The following SPINT3 variants were observed in gnomAD, a reference collection of about 807,000 sequenced individuals.
The protein encoded by SPINT3 is kunitz-type protease inhibitor 3.
In SPINT3, 4 loss-of-function variants were observed where a neutral mutation model predicts 3.3. That is an observed-to-expected ratio of 1.22 (90% confidence interval 0.60 to 2.79). The LOEUF (loss-of-function observed/expected upper bound fraction) is 2.79, where lower values mean the gene tolerates loss of function less well. Among genes scored for constraint, SPINT3 ranks in the 30% most tolerant of loss-of-function variants. SPINT3 has a pLI of 0.01. For missense variants in SPINT3, 97 were observed against 104.3 expected, an observed-to-expected ratio of 0.93 and a Z score of 0.31; for synonymous variants, 30 against 38.6, an observed-to-expected ratio of 0.78 and a Z score of 0.83.
rs1263088739 is a variant in SPINT3, at chr20:45,515,514, T to C, written c.76+19A>G. ...CTGATTCCCAGTCTATTCTTTGAGA[T>C]CCCACATTTCATACCAACCTCGTGC... On this transcript the variant is annotated intron_variant, in intron 1 of 1. Transcript: ENST00000217428. 1.1e-5 allele frequency: 17 copies of C among 1,543,460 alleles called. No homozygotes were observed. Among genetic ancestry groups the C allele is most frequent in the African/African-American group, 1.4e-5 (1 of 72,354 alleles).
At chr20:45,514,784 T>C in intron 1 of SPINT3, among the ~76,000 whole-genome samples, 1 of 152,224 alleles carries the variant, frequency 6.6e-6, no homozygotes, top group East Asian at 1.9e-4. Context: ...GAATCTATCA[T>C]TAATAGCTCC....
intron 1 of SPINT3, among the ~76,000 whole-genome samples, chr20:45,513,907 G>A (rs778583746): frequency 1.3e-5 from 2 of 152,196 alleles, no homozygotes; most frequent in Non-Finnish European, 2.9e-5. Flanking sequence ...CATCCATCTT[G>A]GTTGTTGTAA....
chr20:45,515,614 C>T lies in SPINT3; in HGVS notation c.-6G>A. ...AGAGAGGCCTGAAGCTGCATGGTGCCACTCAGCCAGTGGCTCAGCCTGGGG... is the reference window on the plus strand; with the variant it reads ...AGAGAGGCCTGAAGCTGCATGGTGCTACTCAGCCAGTGGCTCAGCCTGGGG... On this transcript the variant is annotated 5_prime_UTR_variant, in exon 1 of 2. Coordinates refer to ENST00000217428, the MANE Select transcript of SPINT3 (RefSeq NM_006652.2). The T allele has an allele frequency of 6.4e-7, 1 of 1,551,414 alleles. No individual in the cohort carries two copies. Among genetic ancestry groups the T allele is most frequent in the Non-Finnish European group, 8.7e-7 (1 of 1,146,878 alleles).
At position 45,512,658 on chromosome 20, in the gene SPINT3, A is replaced by C; in HGVS notation, c.263T>G (p.Phe88Cys). The C allele has an allele frequency of 1.4e-5, 21 of 1,551,582 alleles. No individual in the cohort carries two copies. The highest frequency in any genetic ancestry group is 1.8e-5 in the Non-Finnish European group (21 of 1,146,948). The change falls in exon 2 of 2, where the codon TTC becomes TGC. Residue 88 changes from phenylalanine (F) to cysteine (C), a missense_variant. Phe to Cys is a radical substitution (Grantham distance 205). Coordinates refer to ENST00000217428, the MANE Select transcript of SPINT3 (RefSeq NM_006652.2). ...RKEKCEKFCKFT is the reference protein window; with the variant it reads ...RKEKCEKFCKCT ...TGTGTTCTTGTTAGAAAATCAGGTG[A>C]ACTTGCAGAATTTCTCACATTTTTC... is the stretch of plus-strand genomic sequence containing the variant.
At position 45,512,726 on chromosome 20, in the gene SPINT3, A is replaced by G. The variant is rs202109697; in HGVS notation, c.195T>C (p.Ala65=). The change falls in exon 2 of 2, where the codon GCT becomes GCC. Residue 65 remains alanine (A), a synonymous_variant. Transcript: ENST00000217428. ...NFETGECELF[A]YGGCGGNSNN... ...TGCTGTTGCCTCCGCAGCCTCCGTA[A>G]GCAAATAACTCACATTCACCAGTTT... The G allele has an allele frequency of 9.7e-6, 15 of 1,551,592 alleles. No homozygotes were observed. The highest frequency in any genetic ancestry group is 1.4e-5 in the African/African-American group (1 of 73,050).
At chr20:45,513,647 A>G (rs1056707229) in intron 1 of SPINT3, among the ~76,000 whole-genome samples, 17 of 152,298 alleles carry the variant, frequency 1.1e-4, no homozygotes, top group Admixed American at 3.3e-4. Context: ...ATATTTGTTA[A>G]TAGAAAACCA....
At position 45,512,722 on chromosome 20, in the gene SPINT3, C is replaced by T. The variant is rs748269805; in HGVS notation, c.199G>A (p.Gly67Arg). 9.7e-6 allele frequency: 15 copies of T among 1,551,562 alleles called. No individual in the cohort carries two copies. The highest frequency in any genetic ancestry group is 2.7e-5 in the African/African-American group (2 of 73,052). ...TTGTTGCTGTTGCCTCCGCAGCCTC[C>T]GTAAGCAAATAACTCACATTCACCA... is the stretch of plus-strand genomic sequence containing the variant. ...ETGECELFAY[G>R]GCGGNSNNFL... The change falls in exon 2 of 2, where the codon GGA becomes AGA. Residue 67 changes from glycine to arginine, a missense_variant. Coordinates refer to ENST00000217428, the MANE Select transcript of SPINT3 (RefSeq NM_006652.2).
intron 1 of SPINT3, among the ~76,000 whole-genome samples, chr20:45,513,082 T>C (rs1484553376): frequency 6.6e-6 from 1 of 152,216 alleles, no homozygotes; most frequent in Non-Finnish European, 1.5e-5. Flanking sequence ...CTCAAGTGGA[T>C]TGAGATCCTC....
Position 45,515,568 on chromosome 20 carries a change from G to A in SPINT3, c.41C>T (p.Thr14Ile), listed in dbSNP as rs1179309967. The change falls in exon 1 of 2, where the codon ACT becomes ATT. Residue 14 changes from threonine (T) to isoleucine (I), a missense_variant. By Grantham distance (89) the Thr-to-Ile change is moderately conservative (BLOSUM62 -1). Transcript: ENST00000217428. ...QASLSFLLILTLCLELRSELA... is the reference protein window; with the variant it reads ...QASLSFLLILILCLELRSELA... The stretch of plus-strand genomic sequence containing the variant: ...TTCTGATCGAAGCTCTAGGCAGAGA[G>A]TGAGAATCAGGAGAAACGAGAGAGA... The A allele has an allele frequency of 1.7e-5, 26 of 1,551,360 alleles. No homozygotes were observed. The highest frequency in any genetic ancestry group is 2.4e-5 in the East Asian group (1 of 40,900).
At position 45,515,556 on chromosome 20, in the gene SPINT3, T is replaced by C; in HGVS notation, c.53A>G (p.Glu18Gly). The change falls in exon 1 of 2, where the codon GAG becomes GGG. Residue 18 changes from glutamate to glycine, a missense_variant. Glu to Gly is a moderately conservative substitution (Grantham distance 98). Coordinates refer to ENST00000217428, the MANE Select transcript of SPINT3 (RefSeq NM_006652.2). The part of the protein sequence containing the change: ...SFLLILTLCL[E>G]LRSELARDTI... ...ACCTCGTGCTAGTTCTGATCGAAGC[T>C]CTAGGCAGAGAGTGAGAATCAGGAG... The C allele has an allele frequency of 6.5e-7, 1 of 1,550,230 alleles. No homozygotes were observed. Among genetic ancestry groups the C allele is most frequent in the Admixed American group, 2.0e-5 (1 of 50,782 alleles).
rs1600861344 is a variant in SPINT3, at chr20:45,512,832, T to A, written c.89A>T (p.Asp30Val). ...RSELARDTIKDLLPNVCAFPM... is the reference protein window; with the variant it reads ...RSELARDTIKVLLPNVCAFPM... ...AAAAGCGCATACATTTGGGAGGAGATCCTTGATAGTGTCTGAAGAGAGAAA... is the reference window on the plus strand; with the variant it reads ...AAAAGCGCATACATTTGGGAGGAGAACCTTGATAGTGTCTGAAGAGAGAAA... The change falls in exon 2 of 2, where the codon GAT becomes GTT. Residue 30 changes from aspartate to valine, a missense_variant. Asp to Val is a radical substitution (Grantham distance 152). Transcript: ENST00000217428. The A allele has an allele frequency of 3.9e-6, 6 of 1,551,416 alleles. No homozygotes were observed. The highest frequency in any genetic ancestry group is 2.0e-5 in the Admixed American group (1 of 50,978).
At chr20:45,515,503 A>G (rs748324871) in intron 1 of SPINT3, 30 bp downstream of exon 1, 33 of 1,525,508 alleles carry the variant, frequency 2.2e-5, no homozygotes, top group South Asian at 1.6e-4. Flanking sequence ...TTCCCAGTCT[A>G]TTCTTTGAGA....
chr20:45,514,907 C>T (rs1014083446), intron 1 of SPINT3, among the ~76,000 whole-genome samples: 2 of 152,142 alleles, frequency 1.3e-5, no homozygotes, highest in African/African-American at 4.8e-5. Flanking sequence ...TTCTTTCTTA[C>T]CCTTTTGTGT....
Position 45,512,580 on chromosome 20 carries a change from C to G in SPINT3, c.*71G>C. ...TCTTGTTCACACACACACACACACA[C>G]ACACGCAAATGCCTTCTATGGCCCT... is the stretch of plus-strand genomic sequence containing the variant. On this transcript the variant is annotated 3_prime_UTR_variant, in exon 2 of 2. Coordinates refer to ENST00000217428, the MANE Select transcript of SPINT3 (RefSeq NM_006652.2). 7.3e-7 allele frequency: 1 copy of G among 1,376,526 alleles called. No individual in the cohort carries two copies. The highest frequency in any genetic ancestry group is 1.0e-6 in the Non-Finnish European group (1 of 1,003,964). The allele number at this position is 1,376,526 out of a possible 1,614,324, so 85.3% of individuals were successfully genotyped here. A position where few individuals can be genotyped will look rare whatever the true frequency, so the allele number is the denominator to read the frequency against.
intron 1 of SPINT3, 68 bp downstream of exon 1, chr20:45,515,465 T>TCCCCCCCC: frequency 1.3e-5 from 18 of 1,333,628 alleles, no homozygotes; most frequent in Admixed American, 9.9e-5. Context: ...CTGCATCACC[T>TCCCCCCCC]CCCCCACCAC....
intron 1 of SPINT3, among the ~76,000 whole-genome samples, chr20:45,514,985 C>A (rs1420073698): frequency 6.6e-6 from 1 of 152,162 alleles, no homozygotes; most frequent in Non-Finnish European, 1.5e-5. Flanking sequence ...CTGCTGCCTA[C>A]CATCCCCATT....
intron 1 of SPINT3, among the ~76,000 whole-genome samples, chr20:45,515,172 G>A (rs1978837470): frequency 6.6e-6 from 1 of 151,896 alleles, no homozygotes; most frequent in Non-Finnish European, 1.5e-5. Flanking sequence ...ACCTCTCCTT[G>A]CCTGCCACCA....
intron 1 of SPINT3, among the ~76,000 whole-genome samples, chr20:45,513,864 G>A (rs767694861): frequency 4.6e-5 from 7 of 152,218 alleles, no homozygotes; most frequent in Non-Finnish European, 1.0e-4. Flanking sequence ...ATCAAACCCA[G>A]CATGGTTCGA....
intron 1 of SPINT3, among the ~76,000 whole-genome samples, chr20:45,514,327 A>C (rs952776956): frequency 1.3e-5 from 2 of 152,244 alleles, no homozygotes; most frequent in Non-Finnish European, 2.9e-5. Flanking sequence ...AGTGCTTTAC[A>C]AGAATCTATT....
Sources: gnomAD v4.1 joint callset for allele counts (sites outside exome capture counted in the v4.1 genomes callset) on GRCh38, gnomAD v4.1.1 for gene constraint, MANE v1.5 for transcripts, NCBI Gene and HGNC (gene_info 2026-07-23, HGNC 2026-07-21) for gene names.